The following PCDH15 variants were observed in gnomAD, a reference collection of about 807,000 sequenced individuals.
PCDH15 encodes protocadherin related 15.
PCDH15 carries 129 observed loss-of-function variants against 178.5 expected under a neutral mutation model. The observed-to-expected ratio is 0.72, with a 90% CI of 0.63 to 0.84. The LOEUF is 0.84. Among genes scored for constraint, PCDH15 ranks in the 40% least tolerant of loss-of-function variants. PCDH15 has a pLI of 0.00. For synonymous variants in PCDH15, 800 were observed against 732.0 expected, an observed-to-expected ratio of 1.09 and a Z score of -1.50; for missense variants, 2,230 against 2,099.9, an observed-to-expected ratio of 1.06 and a Z score of -1.21.
chr10:55,034,593 A>G (rs910601878), intron 2 of PCDH15, among the ~76,000 whole-genome samples: 9 of 152,200 alleles, frequency 5.9e-5, no homozygotes, highest in African/African-American at 1.9e-4. Flanking sequence ...CACTGGAGAT[A>G]CAAAACATGA....
intron 1 of PCDH15, among the ~76,000 whole-genome samples, chr10:54,697,896 C>T (rs972652000): frequency 3.3e-5 from 5 of 152,078 alleles, no homozygotes; most frequent in Non-Finnish European, 5.9e-5. Flanking sequence ...CAGGCACTTA[C>T]GATACTATTT....
intron 14 of PCDH15, among the ~76,000 whole-genome samples, chr10:54,144,606 C>T (rs946386459): frequency 6.6e-6 from 1 of 152,110 alleles, no homozygotes; most frequent in Non-Finnish European, 1.5e-5. Context: ...TGAGACTGAT[C>T]TCCCATCGCC....
At chr10:55,442,342 GA>G (rs1408157974) in intron 2 of PCDH15, among the ~76,000 whole-genome samples, 1 of 148,838 alleles carries the variant, frequency 6.7e-6, no homozygotes. Flanking sequence ...AGAATTAGAA[GA>G]AAAGTAATAT....
At chr10:54,146,371 T>C (rs540251243) in intron 14 of PCDH15, among the ~76,000 whole-genome samples, 1 of 152,036 alleles carries the variant, frequency 6.6e-6, no homozygotes, top group South Asian at 2.1e-4. Context: ...ATCGTAATTT[T>C]ATTAGAAGCT....
In PCDH15 at chr10:53,996,135, C is replaced by A. The variant is rs575897321; in HGVS notation, c.2752-370G>T. Among the ~76,000 whole-genome samples the A allele has an allele frequency of 3.9e-5, 6 of 151,946 alleles. No homozygotes were observed. The East Asian group carries it at 1.2e-3, about 29-fold the overall frequency. On this transcript the variant is annotated intron_variant, in intron 20 of 37. Coordinates refer to ENST00000644397, the MANE Select transcript of PCDH15 (RefSeq NM_001384140.1). Reference sequence around the variant, plus strand: ...TAAAAGCTACATTCTGTGAAGCAGGCGTAAAAGATTTTTTTTAAATGCTCT... The same window carrying A: ...TAAAAGCTACATTCTGTGAAGCAGGAGTAAAAGATTTTTTTTAAATGCTCT...
chr10:54,084,083 CTTT>C (rs34480492), intron 16 of PCDH15, among the ~76,000 whole-genome samples: 9 of 148,264 alleles, frequency 6.1e-5, no homozygotes, highest in South Asian at 4.3e-4. Context: ...TTAATGTGCA[CTTT>C]TTTTTTTTTA....
chr10:53,878,139 G>C (rs2133297712), intron 26 of PCDH15, among the ~76,000 whole-genome samples: 2 of 146,444 alleles, frequency 1.4e-5, no homozygotes, highest in South Asian at 2.2e-4. Flanking sequence ...AATGTCTTTT[G>C]TCTGCTAGGC....
intron 1 of PCDH15, among the ~76,000 whole-genome samples, chr10:55,283,388 G>C (rs770660281): frequency 6.6e-6 from 1 of 151,828 alleles, no homozygotes; most frequent in Admixed American, 6.6e-5. Flanking sequence ...CCCTGAATTC[G>C]TGGGGAGACT....
intron 15 of PCDH15, among the ~76,000 whole-genome samples, chr10:54,099,741 G>T (rs978261826): frequency 3.3e-5 from 5 of 151,680 alleles, no homozygotes; most frequent in Non-Finnish European, 7.4e-5. Context: ...CTAGAAATGA[G>T]AAATAATATA....
At chr10:54,845,649 A>G (rs2131757533) in intron 3 of PCDH15, among the ~76,000 whole-genome samples, 1 of 152,182 alleles carries the variant, frequency 6.6e-6, no homozygotes, top group South Asian at 2.1e-4. Flanking sequence ...GCTTCCCAGG[A>G]TAAAATTTTG....
intron 1 of PCDH15, among the ~76,000 whole-genome samples, chr10:55,311,479 C>T (rs1034242480): frequency 3.0e-4 from 45 of 152,156 alleles, no homozygotes; most frequent in Non-Finnish European, 5.4e-4. Context: ...CAGTGCCTGG[C>T]ATATATTAGT....
intron 26 of PCDH15, among the ~76,000 whole-genome samples, chr10:53,874,968 G>C (rs552637155): frequency 6.6e-6 from 1 of 151,988 alleles, no homozygotes; most frequent in Non-Finnish European, 1.5e-5. Context: ...AGCTGACCAG[G>C]GAATTAGTAA....
chr10:54,164,371 G>T (rs1304072659), intron 13 of PCDH15, among the ~76,000 whole-genome samples: 1 of 152,096 alleles, frequency 6.6e-6, no homozygotes, highest in Non-Finnish European at 1.5e-5. Context: ...TAAAATCTGA[G>T]TGCATACTGA....
At chr10:55,349,447 G>A (rs1388612046) in intron 2 of PCDH15, among the ~76,000 whole-genome samples, 4 of 151,898 alleles carry the variant, frequency 2.6e-5, no homozygotes, top group Admixed American at 2.0e-4. Context: ...TTTTTCTCTT[G>A]CCAGTTACAA....
chr10:55,191,307 G>A (rs980744914), intron 1 of PCDH15, among the ~76,000 whole-genome samples: 1 of 151,552 alleles, frequency 6.6e-6, no homozygotes, highest in African/African-American at 2.4e-5. Context: ...AGTTTTTCAG[G>A]TACAGCATAG....
At chr10:55,535,834 G>C (rs537479648) in intron 2 of PCDH15, among the ~76,000 whole-genome samples, 1 of 151,968 alleles carries the variant, frequency 6.6e-6, no homozygotes, top group African/African-American at 2.4e-5. Context: ...TCTATTTAGG[G>C]ATACACCTAA....
chr10:55,551,235 T>C lies in PCDH15; in HGVS notation c.-156+76390A>G, dbSNP rs551876645. Among the ~76,000 whole-genome samples, 4 of 152,074 alleles carry C rather than the reference T, an allele frequency of 2.6e-5. No homozygotes were observed. The South Asian group carries it at 8.3e-4, about 32-fold the overall frequency. ...GAAAATAGAAGCTATCTGTAGTAGG[T>C]AGTAGTTTTAACCTCAAGATTTTTA... On this transcript the variant is annotated intron_variant, in intron 2 of 5. Coordinates refer to the PCDH15 transcript ENST00000613346.
chr10:55,167,922 C>T (rs371870823), intron 1 of PCDH15, among the ~76,000 whole-genome samples: 7 of 151,792 alleles, frequency 4.6e-5, no homozygotes, highest in South Asian at 2.1e-4. Flanking sequence ...AAAAATCTAG[C>T]GCATATAAAT....
At chr10:55,603,556 C>T (rs1418124582) in intron 2 of PCDH15, among the ~76,000 whole-genome samples, 1 of 151,944 alleles carries the variant, frequency 6.6e-6, no homozygotes, top group African/African-American at 2.4e-5. Flanking sequence ...TCGGCAGAAA[C>T]CCTACAAGCC....
Sources: gnomAD v4.1 joint callset for allele counts (sites outside exome capture counted in the v4.1 genomes callset) on GRCh38, gnomAD v4.1.1 for gene constraint, MANE v1.5 for transcripts, NCBI Gene and HGNC (gene_info 2026-07-23, HGNC 2026-07-21) for gene names.